Variants in SYT16 observed in about 807,000 individuals in gnomAD.
SYT16 encodes synaptotagmin 16.
A neutral mutation model predicts 61.4 loss-of-function variants in SYT16; 42 were observed. The ratio of observed to expected loss-of-function variants is 0.68; its 90% CI spans 0.53 to 0.89. The LOEUF (loss-of-function observed/expected upper bound fraction) is 0.89, where lower values mean the gene tolerates loss of function less well. Ranked by LOEUF, SYT16 falls within the 40% of genes least tolerant of loss-of-function variation. The pLI, the probability that SYT16 is intolerant of heterozygous loss-of-function variation, is 0.00. For missense variants in SYT16, 804 were observed against 807.3 expected (o/e 1.00, Z 0.05); for synonymous variants, 314 against 302.3 (o/e 1.04, Z -0.40).
At chr14:61,888,125 C>CTTTTT (rs756842240) in intron 1 of SYT16, among the ~76,000 whole-genome samples, 137 of 134,094 alleles carry the variant, frequency 1.0e-3, no homozygotes, top group Non-Finnish European at 1.3e-3. Context: ...CTTTTCTTTT[C>CTTTTT]TTTTTTTTTT....
At chr14:61,941,561 G>C (rs2050210740) in intron 1 of SYT16, among the ~76,000 whole-genome samples, 1 of 152,136 alleles carries the variant, frequency 6.6e-6, no homozygotes, top group Non-Finnish European at 1.5e-5. Flanking sequence ...TGTCCTCCAT[G>C]AGATAAAGCC....
At chr14:61,873,394 C>G (rs926545813) in intron 1 of SYT16, among the ~76,000 whole-genome samples, 2 of 152,114 alleles carry the variant, frequency 1.3e-5, no homozygotes, top group Non-Finnish European at 2.9e-5. Flanking sequence ...CTGGGTTTGC[C>G]TCGCTTCTCC....
intron 1 of SYT16, chr14:61,832,091 C>T (rs2045955968): frequency 1.4e-6 from 1 of 729,692 alleles, no homozygotes; most frequent in Admixed American, 1.8e-5. Flanking sequence ...CGCCCCTGTT[C>T]ATCTCAGCAA....
At chr14:61,993,648 GAAAA>G (rs1046388383) in intron 2 of SYT16, among the ~76,000 whole-genome samples, 1 of 147,020 alleles carries the variant, frequency 6.8e-6, no homozygotes, top group South Asian at 2.2e-4. Flanking sequence ...TATTTGCAGA[GAAAA>G]AAAAAACCCG....
Position 61,947,267 on chromosome 14 carries a change from CGTGTGTGTGTGTGTGT to C in SYT16, c.-324-22836_-324-22821del, listed in dbSNP as rs59798244. ...CTTTTGGCCTCTGACTTTAGTCCTT[CGTGTGTGTGTGTGTGT>C]GTGTGTGTGTGTGTGTGTGTGTGTG... On this transcript the variant is annotated intron_variant, in intron 1 of 7. Coordinates refer to ENST00000683842, the MANE Select transcript of SYT16 (RefSeq NM_001367656.1). Among the ~76,000 whole-genome samples the C allele has an allele frequency of 1.3e-4, 16 of 125,918 alleles. 1 individual carries two copies. The highest frequency in any genetic ancestry group is 3.0e-4 in the South Asian group (1 of 3,304). 82.6% of individuals were successfully genotyped at this position (125,918 alleles called of 152,430 possible).
At chr14:61,920,066 A>G (rs1215637293) in intron 1 of SYT16, among the ~76,000 whole-genome samples, 11 of 152,140 alleles carry the variant, frequency 7.2e-5, no homozygotes, top group Admixed American at 7.2e-4. Flanking sequence ...GCCCCCCGAC[A>G]TACACACATT....
At chr14:61,838,877 C>T (rs2046215530) in intron 1 of SYT16, among the ~76,000 whole-genome samples, 1 of 152,150 alleles carries the variant, frequency 6.6e-6, no homozygotes, top group Admixed American at 6.5e-5. Context: ...TTGATGTAGG[C>T]AACAGGCCTA....
At chr14:61,970,935 GTT>G (rs33917095) in intron 2 of SYT16, among the ~76,000 whole-genome samples, 5,044 of 148,106 alleles carry the variant, frequency 0.034, 120 homozygotes, top group South Asian at 0.067. Context: ...TAACTTTGCT[GTT>G]TTTTTTTTTT....
intron 1 of SYT16, among the ~76,000 whole-genome samples, chr14:61,898,764 A>G (rs1402016447): frequency 6.6e-6 from 1 of 152,178 alleles, no homozygotes; most frequent in East Asian, 1.9e-4. Flanking sequence ...AGAGTGTGCC[A>G]ACATCTCACT....
intron 3 of SYT16, among the ~76,000 whole-genome samples, chr14:62,002,079 T>G (rs2053040880): frequency 6.6e-6 from 1 of 152,102 alleles, no homozygotes; most frequent in Non-Finnish European, 1.5e-5. Flanking sequence ...CTGTCTTGGT[T>G]GTTTTGTCTC....
At chr14:61,837,864 C>T (rs2046182770) in intron 1 of SYT16, among the ~76,000 whole-genome samples, 1 of 152,224 alleles carries the variant, frequency 6.6e-6, no homozygotes, top group African/African-American at 2.4e-5. Flanking sequence ...TCCAGCAAAG[C>T]TGAAATTGGT....
intron 2 of SYT16, among the ~76,000 whole-genome samples, chr14:61,976,483 A>G (rs886714188): frequency 6.6e-6 from 1 of 152,090 alleles, no homozygotes; most frequent in African/African-American, 2.4e-5. Context: ...ACATCCACAC[A>G]TTTTCATACA....
intron 1 of SYT16, among the ~76,000 whole-genome samples, chr14:61,920,312 G>A (rs897061679): frequency 1.3e-5 from 2 of 152,124 alleles, no homozygotes; most frequent in African/African-American, 4.8e-5. Flanking sequence ...ATGCAGGTTT[G>A]TTAATAGGTA....
At chr14:62,050,840 C>G (rs1447387279) in intron 3 of SYT16, among the ~76,000 whole-genome samples, 2 of 152,096 alleles carry the variant, frequency 1.3e-5, no homozygotes, top group African/African-American at 4.8e-5. Context: ...GAAGTTTTGT[C>G]TCGGAGGAGT....
chr14:61,959,284 A>T (rs2051014771), intron 1 of SYT16, among the ~76,000 whole-genome samples: 1 of 152,008 alleles, frequency 6.6e-6, no homozygotes, highest in African/African-American at 2.4e-5. Flanking sequence ...AGGGCTTACT[A>T]TTGCCATATT....
intron 1 of SYT16, among the ~76,000 whole-genome samples, chr14:61,948,202 G>A (rs1055227354): frequency 6.6e-6 from 1 of 152,154 alleles, no homozygotes; most frequent in African/African-American, 2.4e-5. Context: ...ATGGATTGGA[G>A]TTGTGAGGGA....
rs1358936138 is a variant in SYT16, at chr14:62,109,950, A to G, written c.*9243A>G. 6.6e-6 allele frequency: 1 copy of G among 152,148 alleles called. No homozygotes were observed. Among genetic ancestry groups the G allele is most frequent in the Non-Finnish European group, 1.5e-5 (1 of 68,010 alleles). 9.4% of individuals were successfully genotyped at this position (152,148 alleles called of 1,614,324 possible). On this transcript the variant is annotated 3_prime_UTR_variant, in exon 8 of 8. Coordinates refer to ENST00000683842, the MANE Select transcript of SYT16 (RefSeq NM_001367656.1). ...GCTCTGAATTCTGAATGAAAAGATA[A>G]CCCATGCTAATGTATATGTTGCATG...
At chr14:61,997,441 C>T (rs563007494) in intron 3 of SYT16, among the ~76,000 whole-genome samples, 32 of 152,166 alleles carry the variant, frequency 2.1e-4, no homozygotes, top group African/African-American at 7.7e-4. Flanking sequence ...ACCTCATAGT[C>T]CCTTCATTCA....
chr14:61,857,277 T>G (rs74057540), intron 1 of SYT16, among the ~76,000 whole-genome samples: 1 of 152,146 alleles, frequency 6.6e-6, no homozygotes, highest in African/African-American at 2.4e-5. Flanking sequence ...GTGTTAACTC[T>G]TCTCTACTTC....
Sources: gnomAD v4.1 joint callset for allele counts (sites outside exome capture counted in the v4.1 genomes callset) on GRCh38, gnomAD v4.1.1 for gene constraint, MANE v1.5 for transcripts, NCBI Gene and HGNC (gene_info 2026-07-23, HGNC 2026-07-21) for gene names.